Variants in TNNI3K observed in about 807,000 individuals in gnomAD.
TNNI3K encodes TNNI3 interacting kinase.
A neutral mutation model predicts 114.5 loss-of-function variants in TNNI3K; 140 were observed. That is an observed-to-expected ratio of 1.22 (90% CI 1.07 to 1.41). The LOEUF is 1.41. Ranked by LOEUF, TNNI3K falls within the 40% of genes most tolerant of loss-of-function variation. The probability of loss-of-function intolerance (pLI) is 0.00; values close to 1 mark genes in which losing one functional copy is unlikely to be tolerated. For synonymous variants in TNNI3K, 347 were observed against 347.5 expected (o/e 1.00, Z 0.02); for missense variants, 1,125 against 1,007.6 (o/e 1.12, Z -1.58).
At chr1:74,321,224 T>C (rs1659595002) in intron 5 of TNNI3K, among the ~76,000 whole-genome samples, 1 of 152,136 alleles carries the variant, frequency 6.6e-6, no homozygotes, top group Admixed American at 6.5e-5. Context: ...TGTATACATC[T>C]AATGAAGCAA....
At chr1:74,332,396 G>A (rs1660250566) in intron 6 of TNNI3K, among the ~76,000 whole-genome samples, 1 of 151,820 alleles carries the variant, frequency 6.6e-6, no homozygotes, top group African/African-American at 2.4e-5. Context: ...CGCCTCCTGG[G>A]TTCACGCCAT....
At chr1:74,516,116 T>A (rs949930725) in intron 23 of TNNI3K, among the ~76,000 whole-genome samples, 1 of 152,232 alleles carries the variant, frequency 6.6e-6, no homozygotes, top group Non-Finnish European at 1.5e-5. Context: ...AGGTCTGAAG[T>A]GCAAATCATC....
intron 20 of TNNI3K, among the ~76,000 whole-genome samples, chr1:74,449,700 G>A (rs555303343): frequency 3.1e-4 from 47 of 151,554 alleles, no homozygotes; most frequent in African/African-American, 9.2e-4. Context: ...AACAAGAAGA[G>A]CTAACTATCC....
intron 23 of TNNI3K, among the ~76,000 whole-genome samples, chr1:74,520,263 A>G (rs1333477266): frequency 6.6e-6 from 1 of 152,140 alleles, no homozygotes; most frequent in Non-Finnish European, 1.5e-5. Flanking sequence ...AATTGACTCA[A>G]CTGGAATCTT....
intron 23 of TNNI3K, among the ~76,000 whole-genome samples, chr1:74,513,541 C>T (rs1256624932): frequency 6.6e-6 from 1 of 152,220 alleles, no homozygotes; most frequent in African/African-American, 2.4e-5. Flanking sequence ...TTCTCTTTGT[C>T]TTCCTTTTTT....
intron 17 of TNNI3K, among the ~76,000 whole-genome samples, chr1:74,431,661 G>T (rs1373862745): frequency 6.6e-6 from 1 of 152,074 alleles, no homozygotes; most frequent in Non-Finnish European, 1.5e-5. Context: ...GTAGAGATTT[G>T]TTCAGATCTC....
chr1:74,323,013 A>G (rs1346047294), intron 5 of TNNI3K, among the ~76,000 whole-genome samples: 2 of 152,182 alleles, frequency 1.3e-5, no homozygotes, highest in African/African-American at 4.8e-5. Context: ...CTCTATATGG[A>G]AAAATTGCTA....
chr1:74,272,744 C>A (rs1257405364), intron 5 of TNNI3K, among the ~76,000 whole-genome samples: 1 of 151,894 alleles, frequency 6.6e-6, no homozygotes, highest in Non-Finnish European at 1.5e-5. Context: ...CTTCCATTTG[C>A]ATGATTTGGC....
intron 23 of TNNI3K, among the ~76,000 whole-genome samples, chr1:74,500,715 C>CT (rs1189629424): frequency 1.4e-5 from 2 of 140,400 alleles, no homozygotes; most frequent in Non-Finnish European, 3.1e-5. Flanking sequence ...TATCTTCCCT[C>CT]TTTTTTAAGA....
chr1:74,440,078 A>C (rs1666309154), intron 20 of TNNI3K, among the ~76,000 whole-genome samples: 1 of 151,998 alleles, frequency 6.6e-6, no homozygotes, highest in Admixed American at 6.6e-5. Flanking sequence ...GGTTTTCCTA[A>C]CGTTTTTGTA....
At chr1:74,400,330 G>T (rs1330693821) in intron 17 of TNNI3K, among the ~76,000 whole-genome samples, 1 of 152,132 alleles carries the variant, frequency 6.6e-6, no homozygotes, top group Non-Finnish European at 1.5e-5. Flanking sequence ...GACCCTAAGA[G>T]AGTAGAAATA....
At chr1:74,255,623 G>A (rs1655238854) in intron 4 of TNNI3K, among the ~76,000 whole-genome samples, 2 of 152,108 alleles carry the variant, frequency 1.3e-5, no homozygotes, top group East Asian at 3.9e-4. Flanking sequence ...TTTTCACAGT[G>A]TTTAGTTTTA....
Position 74,367,296 on chromosome 1 carries a change from A to T in TNNI3K, c.1218A>T (p.Arg406Ser), listed in dbSNP as rs779628235. The T allele has an allele frequency of 2.5e-6, 4 of 1,612,270 alleles. No homozygotes were observed. The highest frequency in any genetic ancestry group is 3.4e-6 in the Non-Finnish European group (4 of 1,178,756). Residue 406 changes from arginine (R) to serine (S), a missense_variant, in exon 12 of 25, where the codon AGA becomes AGT. By Grantham distance (110) the Arg-to-Ser change is moderately radical. Transcript: ENST00000326637. ...TCACACTCCTGAAGCATTATAAGAG[A>T]CCACAAGATGAATTGCCCTGTAATG... ...AIVTLLKHYKRPQDELPCNEY... is the reference protein window; with the variant it reads ...AIVTLLKHYKSPQDELPCNEY...
intron 17 of TNNI3K, chr1:74,401,919 G>A (rs1460854614): frequency 4.4e-6 from 2 of 451,786 alleles, no homozygotes; most frequent in Middle Eastern, 3.3e-4. Context: ...AGGGAAGAAT[G>A]CAATTTCAGG....
At chr1:74,393,547 C>G (rs1663908996) in intron 17 of TNNI3K, among the ~76,000 whole-genome samples, 1 of 152,092 alleles carries the variant, frequency 6.6e-6, no homozygotes, top group Non-Finnish European at 1.5e-5. Flanking sequence ...ATCTCTTGTG[C>G]TATGTCTAAA....
intron 17 of TNNI3K, among the ~76,000 whole-genome samples, chr1:74,393,730 G>C (rs1021563318): frequency 5.9e-5 from 9 of 152,146 alleles, no homozygotes; most frequent in Non-Finnish European, 1.2e-4. Flanking sequence ...GGAAGTGGGG[G>C]ATGGGGGCCC....
In TNNI3K at chr1:74,296,271, G is replaced by A. The variant is rs1303670662; in HGVS notation, c.444+24563G>A. On this transcript the variant is annotated intron_variant, in intron 5 of 24. Transcript: ENST00000326637. ...AGCCTGGGTGACAGAGCAAGACTCC[G>A]TCAAAAAAAAAAAAAAAATCTGATA... Among the ~76,000 whole-genome samples the A allele has an allele frequency of 3.6e-4, 52 of 144,684 alleles. 1 individual carries two copies. The highest frequency in any genetic ancestry group is 1.2e-4 in the Non-Finnish European group (8 of 66,568). 94.9% of individuals were successfully genotyped at this position (144,684 alleles called of 152,430 possible).
chr1:74,390,492 G>T (rs951216610), intron 17 of TNNI3K, among the ~76,000 whole-genome samples: 2 of 152,118 alleles, frequency 1.3e-5, no homozygotes, highest in Non-Finnish European at 2.9e-5. Flanking sequence ...ATTCATTGAG[G>T]TCATCACAGT....
At chr1:74,475,263 G>A (rs962403399) in intron 21 of TNNI3K, 1 of 623,510 alleles carries the variant, frequency 1.6e-6, no homozygotes. Context: ...GAATTAAACG[G>A]AGTGGGATTT....
Sources: allele counts gnomAD v4.1 joint callset (sites outside exome capture counted in the v4.1 genomes callset), GRCh38; gene constraint gnomAD v4.1.1; transcripts MANE v1.5; gene names NCBI Gene and HGNC (gene_info 2026-07-23, HGNC 2026-07-21).